The following PLCB1 variants were observed in gnomAD, a reference collection of about 807,000 sequenced individuals.
PLCB1 encodes the protein 1-phosphatidylinositol 4,5-bisphosphate phosphodiesterase beta-1.
PLCB1 carries 46 observed loss-of-function variants against 161.8 expected under a neutral mutation model. The ratio of observed to expected loss-of-function variants is 0.28; its 90% CI spans 0.22 to 0.36. PLCB1 has a LOEUF of 0.36. Among genes scored for constraint, PLCB1 ranks in the 10% least tolerant of loss-of-function variants. The pLI, the probability that PLCB1 is intolerant of heterozygous loss-of-function variation, is 1.00. For missense variants in PLCB1, 1,016 were observed against 1,472.5 expected (o/e 0.69, Z 5.07); for synonymous variants, 517 against 503.7 (o/e 1.03, Z -0.35).
chr20:8,772,654 C>G (rs536830803), intron 26 of PLCB1, among the ~76,000 whole-genome samples: 1 of 152,122 alleles, frequency 6.6e-6, no homozygotes, highest in African/African-American at 2.4e-5. Flanking sequence ...TCATTCAGGC[C>G]GGGCGCGGTG....
At chr20:8,608,211 A>G (rs1987811663) in intron 3 of PLCB1, among the ~76,000 whole-genome samples, 1 of 152,228 alleles carries the variant, frequency 6.6e-6, no homozygotes, top group African/African-American at 2.4e-5. Context: ...ATACATGTTT[A>G]AAATAGCCAG....
At chr20:8,214,340 G>C (rs776091199) in intron 2 of PLCB1, among the ~76,000 whole-genome samples, 3 of 152,020 alleles carry the variant, frequency 2.0e-5, no homozygotes, top group African/African-American at 7.2e-5. Flanking sequence ...CTGTCCTCAC[G>C]ACAGTGATTG....
intron 9 of PLCB1, among the ~76,000 whole-genome samples, chr20:8,669,908 C>T (rs1187394085): frequency 3.9e-5 from 6 of 152,200 alleles, no homozygotes; most frequent in Admixed American, 3.3e-4. Context: ...TCATACAACG[C>T]CAATGTCCAA....
Position 8,757,066 on chromosome 20 carries a change from A to G in PLCB1, c.2544A>G (p.Pro848=), listed in dbSNP as rs774088820. ...TTTAGGCTGATCCTGGAGAAACACC[A>G]TCAGAGGCTCCAAGTGAAGCGAGAA... is the stretch of plus-strand genomic sequence containing the variant. ...VKKEADPGET[P]SEAPSEARTT... is the part of the protein sequence containing the mutation. The change falls in exon 24 of 32, where the codon CCA becomes CCG. Residue 848 remains proline (P), a synonymous_variant. Transcript: ENST00000338037. 1 of 1,611,912 alleles carries G rather than the reference A, an allele frequency of 6.2e-7. No individual in the cohort carries two copies. Among genetic ancestry groups the G allele is most frequent in the Non-Finnish European group, 8.5e-7 (1 of 1,178,706 alleles).
At chr20:8,717,106 A>C (rs1040402169) in intron 13 of PLCB1, among the ~76,000 whole-genome samples, 13 of 152,204 alleles carry the variant, frequency 8.5e-5, no homozygotes, top group Non-Finnish European at 1.9e-4. Flanking sequence ...AAGGCTTGCA[A>C]ATGTGGTAGC....
At chr20:8,181,617 T>C (rs2051844400) in intron 2 of PLCB1, among the ~76,000 whole-genome samples, 1 of 152,134 alleles carries the variant, frequency 6.6e-6, no homozygotes, top group African/African-American at 2.4e-5. Context: ...ATACAAGGAT[T>C]CTCAGTGGTG....
At chr20:8,176,770 G>A (rs531243532) in intron 2 of PLCB1, among the ~76,000 whole-genome samples, 6 of 152,042 alleles carry the variant, frequency 3.9e-5, no homozygotes, top group African/African-American at 1.4e-4. Context: ...AAGGTAAAAG[G>A]GCTCCCTCTA....
rs146833633 is a variant in PLCB1, at chr20:8,717,768, G to T, written c.1433G>T (p.Gly478Val). ...TCACACAAGTCATCAGAAGGAAGCG[G>T]CAAAAAGAAGCTCTCAGAACAAGCC... is the stretch of plus-strand genomic sequence containing the variant. ...KKSHKSSEGS[G>V]KKKLSEQASN... Residue 478 changes from glycine to valine, a missense_variant, in exon 14 of 32, where the codon GGC (glycine) becomes GTC (valine). By Grantham distance (109) the Gly-to-Val change is moderately radical. Around this residue, in one of 10 missense-constraint regions of PLCB1, gnomAD observed 109 missense variants for 129.7 expected, o/e 0.84. Transcript: ENST00000338037. 3.4e-5 allele frequency: 55 copies of T among 1,613,926 alleles called. No individual in the cohort carries two copies. In the African/African-American group the frequency reaches 6.7e-4, roughly 20 times the overall value.
chr20:8,633,872 C>G (rs1490745038), intron 4 of PLCB1, among the ~76,000 whole-genome samples: 1 of 152,064 alleles, frequency 6.6e-6, no homozygotes, highest in Non-Finnish European at 1.5e-5. Context: ...TAAATGAAAT[C>G]ATACAATAAA....
chr20:8,677,841 TA>T (rs1990123903), intron 9 of PLCB1, among the ~76,000 whole-genome samples: 1 of 152,124 alleles, frequency 6.6e-6, no homozygotes, highest in Non-Finnish European at 1.5e-5. Context: ...TCAAGAAACT[TA>T]ACATTCATGA....
chr20:8,185,311 T>G (rs1186163757), intron 2 of PLCB1, among the ~76,000 whole-genome samples: 2 of 152,214 alleles, frequency 1.3e-5, no homozygotes, highest in African/African-American at 2.4e-5. Context: ...GTTAGTCAGC[T>G]GAGCTGCTTA....
chr20:8,140,403 A>G (rs2051390591), intron 1 of PLCB1, among the ~76,000 whole-genome samples: 1 of 152,226 alleles, frequency 6.6e-6, no homozygotes, highest in Admixed American at 6.5e-5. Flanking sequence ...AGTCCTAAAT[A>G]TAATAATCAT....
intron 2 of PLCB1, among the ~76,000 whole-genome samples, chr20:8,232,421 G>C (rs6055682): frequency 0.85 from 129,006 of 152,154 alleles, 55,212 homozygotes; most frequent in African/African-American, 0.96. Context: ...TTTGAAAGCT[G>C]TAAACTCTGA....
At chr20:8,273,346 A>C (rs1373767939) in intron 2 of PLCB1, among the ~76,000 whole-genome samples, 1 of 152,160 alleles carries the variant, frequency 6.6e-6, no homozygotes, top group African/African-American at 2.4e-5. Flanking sequence ...ACTTAAGTCT[A>C]AAGGTCTCGA....
At chr20:8,360,096 GTCCCAACC>G (rs1203760147) in intron 2 of PLCB1, among the ~76,000 whole-genome samples, 2 of 152,194 alleles carry the variant, frequency 1.3e-5, no homozygotes, top group African/African-American at 4.8e-5. Context: ...TTCAGGTGAA[GTCCCAACC>G]TCAACCTAAG....
At chr20:8,284,287 C>T (rs866711591) in intron 2 of PLCB1, among the ~76,000 whole-genome samples, 20 of 152,118 alleles carry the variant, frequency 1.3e-4, no homozygotes, top group African/African-American at 3.9e-4. Flanking sequence ...TTCATATACA[C>T]ATGCATTTCA....
chr20:8,526,881 T>A (rs1984606238), intron 3 of PLCB1, among the ~76,000 whole-genome samples: 1 of 152,106 alleles, frequency 6.6e-6, no homozygotes, highest in South Asian at 2.1e-4. Context: ...GGCAATTACA[T>A]CAAGTCAGGT....
At chr20:8,595,362 G>C (rs976574259) in intron 3 of PLCB1, among the ~76,000 whole-genome samples, 2 of 141,018 alleles carry the variant, frequency 1.4e-5, no homozygotes, top group African/African-American at 5.4e-5. Flanking sequence ...TTGGTTTTTT[G>C]TTCTTGCGAT....
At chr20:8,736,479 C>A (rs1980591465) in intron 19 of PLCB1, among the ~76,000 whole-genome samples, 1 of 152,190 alleles carries the variant, frequency 6.6e-6, no homozygotes, top group South Asian at 2.1e-4. Context: ...CTTCTAACCT[C>A]ACCATTTTCA....
Sources: gnomAD v4.1 joint callset for allele counts (sites outside exome capture counted in the v4.1 genomes callset) on GRCh38, gnomAD v4.1.1 for gene constraint, gnomAD v4.1.1 regional missense constraint, MANE v1.5 for transcripts, NCBI Gene and HGNC (gene_info 2026-07-23, HGNC 2026-07-21) for gene names.